The following SLMAP variants were observed in gnomAD, a reference collection of about 807,000 sequenced individuals.
The protein encoded by SLMAP is sarcolemmal membrane-associated protein.
SLMAP carries 44 observed loss-of-function variants against 128.8 expected under a neutral mutation model. The observed-to-expected ratio is 0.34, with a 90% CI of 0.27 to 0.44. The LOEUF is 0.44. Ranked by LOEUF, SLMAP falls within the 20% of genes least tolerant of loss-of-function variation. The pLI is 1.00. For missense variants in SLMAP, 787 were observed against 985.3 expected (o/e 0.80, Z 2.69); for synonymous variants, 327 against 348.8 (o/e 0.94, Z 0.70).
At chr3:57,851,113 A>G (rs2094483013) in intron 6 of SLMAP, among the ~76,000 whole-genome samples, 1 of 152,224 alleles carries the variant, frequency 6.6e-6, no homozygotes, top group East Asian at 1.9e-4. Context: ...TTTTACAGAT[A>G]GAGTAACTGA....
intron 4 of SLMAP, among the ~76,000 whole-genome samples, chr3:57,842,209 C>T (rs548158381): frequency 6.6e-6 from 1 of 152,230 alleles, no homozygotes; most frequent in African/African-American, 2.4e-5. Flanking sequence ...CGAGGCCCTC[C>T]CATTACTGTC....
At chr3:57,814,513 T>G (rs1042157897) in intron 2 of SLMAP, among the ~76,000 whole-genome samples, 6 of 152,172 alleles carry the variant, frequency 3.9e-5, no homozygotes, top group African/African-American at 1.4e-4. Flanking sequence ...AGTAGGACCC[T>G]GGTTTAGAAA....
intron 17 of SLMAP, among the ~76,000 whole-genome samples, chr3:57,903,850 C>T (rs779319352): frequency 5.3e-5 from 8 of 152,278 alleles, no homozygotes; most frequent in Non-Finnish European, 1.0e-4. Context: ...TTCATCTAAA[C>T]GCTTTTCCAC....
chr3:57,915,020 G>A (rs1285259420), intron 21 of SLMAP, among the ~76,000 whole-genome samples: 2 of 151,614 alleles, frequency 1.3e-5, no homozygotes, highest in South Asian at 2.1e-4. Context: ...TAAGTAGCTG[G>A]GATTATAGGT....
At chr3:57,906,332 T>TTTTTTTTTTTTTTC in intron 17 of SLMAP, among the ~76,000 whole-genome samples, 1 of 137,032 alleles carries the variant, frequency 7.3e-6, no homozygotes, top group Admixed American at 8.0e-5. Flanking sequence ...TTTTTTTTTT[T>TTTTTTTTTTTTTTC]AGAGACACAG....
chr3:57,802,655 C>T (rs918453845), intron 2 of SLMAP, among the ~76,000 whole-genome samples: 3 of 152,098 alleles, frequency 2.0e-5, no homozygotes, highest in Non-Finnish European at 4.4e-5. Context: ...GGCTGGTTTC[C>T]TTCACTTAGC....
At chr3:57,844,944 C>T (rs1439375995) in intron 4 of SLMAP, among the ~76,000 whole-genome samples, 2 of 151,994 alleles carry the variant, frequency 1.3e-5, no homozygotes, top group Admixed American at 6.6e-5. Flanking sequence ...AAACTCCTAA[C>T]CTCAAATCAT....
At chr3:57,838,034 G>A (rs1043677205) in intron 3 of SLMAP, among the ~76,000 whole-genome samples, 3 of 152,132 alleles carry the variant, frequency 2.0e-5, no homozygotes, top group African/African-American at 4.8e-5. Context: ...ATAGATTTGC[G>A]CATCAGCTCA....
At position 57,923,012 on chromosome 3, in the gene SLMAP, A is replaced by G; in HGVS notation, c.2434A>G (p.Lys812Glu). ...CKNNLKLLRE[K>E]GNNPSILQPV... ...AAACAACCTGAAGCTGCTCCGAGAG[A>G]AAGGAAATAATGTAAGTCTTTGCAA... The change falls in exon 23 of 25, where the codon AAA (lysine) becomes GAA (glutamate). Residue 812 changes from lysine to glutamate, a missense_variant. This residue lies in a region of SLMAP where 715 missense variants were observed against 843.6 expected (regional missense o/e 0.85). Coordinates refer to ENST00000671191, the MANE Select transcript of SLMAP (RefSeq NM_001377540.1). The G allele has an allele frequency of 6.2e-7, 1 of 1,613,692 alleles. No individual in the cohort carries two copies.
rs772418049 is a variant in SLMAP, at chr3:57,890,118, CTA to C, written c.1360+20_1360+21del. On this transcript the variant is annotated intron_variant, in intron 15 of 24. Coordinates refer to ENST00000671191, the MANE Select transcript of SLMAP (RefSeq NM_001377540.1). ...TTCAAAAGGTTTGTTTTCTGTTTTT[CTA>C]TGTTTTTTGACAGTTCTTTTGGATA... is the stretch of plus-strand genomic sequence containing the variant. 9.3e-6 allele frequency: 15 copies of C among 1,612,552 alleles called. No individual in the cohort carries two copies. The African/African-American group carries it at 1.2e-4, about 13-fold the overall frequency.
rs751083292 is a variant in SLMAP, at chr3:57,923,009, G to C, written c.2431G>C (p.Glu811Gln). The change falls in exon 23 of 25, where the codon GAG becomes CAG. Residue 811 changes from glutamate to glutamine, a missense_variant. Physicochemically the swap from Glu to Gln is conservative, Grantham distance 29. Transcript: ENST00000671191. Reference sequence around the variant, plus strand: ...TAAAAACAACCTGAAGCTGCTCCGAGAGAAAGGAAATAATGTAAGTCTTTG... The same window carrying C: ...TAAAAACAACCTGAAGCTGCTCCGACAGAAAGGAAATAATGTAAGTCTTTG... ...QCKNNLKLLR[E>Q]KGNNPSILQP... The C allele has an allele frequency of 1.2e-5, 20 of 1,613,620 alleles. No homozygotes were observed. The highest frequency in any genetic ancestry group is 1.6e-5 in the Non-Finnish European group (19 of 1,179,910).
At chr3:57,791,109 A>G (rs2153475352) in intron 2 of SLMAP, among the ~76,000 whole-genome samples, 1 of 152,276 alleles carries the variant, frequency 6.6e-6, no homozygotes, top group East Asian at 1.9e-4. Flanking sequence ...TAATCCCAGC[A>G]GTTTGGGAGA....
At chr3:57,912,938 A>C (rs573341101) in intron 20 of SLMAP, among the ~76,000 whole-genome samples, 2 of 152,288 alleles carry the variant, frequency 1.3e-5, no homozygotes, top group East Asian at 3.9e-4. Context: ...TGTCTTATAA[A>C]AGTGAAGTGG....
chr3:57,820,578 A>G (rs1322832017), intron 2 of SLMAP, among the ~76,000 whole-genome samples: 2 of 152,238 alleles, frequency 1.3e-5, no homozygotes, highest in African/African-American at 4.8e-5. Context: ...AAATGGTCCA[A>G]GGTTCCATAC....
At chr3:57,877,654 A>G (rs1034196884) in intron 14 of SLMAP, among the ~76,000 whole-genome samples, 1 of 152,076 alleles carries the variant, frequency 6.6e-6, no homozygotes, top group Non-Finnish European at 1.5e-5. Context: ...ACTTTCTAAC[A>G]TATCTACCAG....
In SLMAP at chr3:57,913,226, A is replaced by T. The variant is rs1164353946; in HGVS notation, c.2089A>T (p.Asn697Tyr). 6.2e-7 allele frequency: 1 copy of T among 1,600,544 alleles called. No individual in the cohort carries two copies. The highest frequency in any genetic ancestry group is 8.5e-7 in the Non-Finnish European group (1 of 1,170,458). The change falls in exon 21 of 25, where the codon AAT (asparagine) becomes TAT (tyrosine). Residue 697 changes from asparagine to tyrosine, a missense_variant. This residue lies in a region of SLMAP where 715 missense variants were observed against 843.6 expected (regional missense o/e 0.85). Coordinates refer to ENST00000671191, the MANE Select transcript of SLMAP (RefSeq NM_001377540.1). ...CGAATGCCATTCTCTAAAAAGGGAA[A>T]ATGTTTTGCTATCATCAGAACTGCA... is the stretch of plus-strand genomic sequence containing the variant. ...ETECHSLKRE[N>Y]VLLSSELQRQ...
intron 2 of SLMAP, among the ~76,000 whole-genome samples, chr3:57,822,550 T>TGG (rs2092609012): frequency 6.6e-6 from 1 of 152,164 alleles, no homozygotes; most frequent in African/African-American, 2.4e-5. Flanking sequence ...GGAAAGAGGC[T>TGG]GGTAAGTTTC....
At chr3:57,847,075 C>G (rs2094291648) in intron 4 of SLMAP, 122 bp from the exon 5 acceptor site, 2 of 646,800 alleles carry the variant, frequency 3.1e-6, no homozygotes, top group Non-Finnish European at 5.5e-6. Context: ...AATAGTTCAC[C>G]TTTTTTTAAT....
chr3:57,852,119 C>G (rs1422947099), intron 6 of SLMAP, among the ~76,000 whole-genome samples: 1 of 152,048 alleles, frequency 6.6e-6, no homozygotes, highest in Non-Finnish European at 1.5e-5. Context: ...ACCGTGTTAG[C>G]CAGGATGGTC....
Sources: allele counts gnomAD v4.1 joint callset (sites outside exome capture counted in the v4.1 genomes callset), GRCh38; gene constraint gnomAD v4.1.1; regional missense constraint gnomAD v4.1.1; transcripts MANE v1.5; gene names NCBI Gene and HGNC (gene_info 2026-07-23, HGNC 2026-07-21).